JARID2: variants seen among roughly 807,000 people sequenced by gnomAD.
JARID2 encodes the protein jumonji and AT-rich interaction domain containing 2, also known as protein Jumonji.
Under a neutral mutation model 125.6 loss-of-function variants are expected in JARID2, and 21 were observed. The observed-to-expected ratio is 0.17, with a 90% CI of 0.12 to 0.24. The LOEUF is 0.24. JARID2 is among the 10% of genes least tolerant of loss of function. The pLI is 1.00. For synonymous variants in JARID2, 736 were observed against 661.6 expected (o/e 1.11, Z -1.73); for missense variants, 1,303 against 1,639.6 (o/e 0.79, Z 3.55).
intron 2 of JARID2, among the ~76,000 whole-genome samples, chr6:15,383,884 T>A (rs1315188747): frequency 6.6e-6 from 1 of 152,218 alleles, no homozygotes; most frequent in East Asian, 1.9e-4. Context: ...ACCCTCCGCC[T>A]CTCAGGTTCA....
chr6:15,374,391 C>A, intron 2 of JARID2, 139 bp downstream of exon 2: 1 of 793,518 alleles, frequency 1.3e-6, no homozygotes. Context: ...GGTGAATCTG[C>A]ACTGCAGACA....
intron 7 of JARID2, among the ~76,000 whole-genome samples, 182 bp downstream of exon 7, chr6:15,497,352 T>C (rs972834195): frequency 2.6e-5 from 4 of 152,148 alleles, no homozygotes; most frequent in Non-Finnish European, 4.4e-5. Context: ...TCCTGGGCGT[T>C]GGTGGCAGGA....
chr6:15,249,077 C>T, intron 1 of JARID2: 2 of 398,130 alleles, frequency 5.0e-6, no homozygotes, highest in Non-Finnish European at 6.8e-6. Context: ...GGAATGTTTT[C>T]ACTTCCTCTG....
At chr6:15,284,314 G>A (rs1012077352) in intron 1 of JARID2, among the ~76,000 whole-genome samples, 1 of 152,048 alleles carries the variant, frequency 6.6e-6, no homozygotes, top group African/African-American at 2.4e-5. Context: ...GTTTATTCCT[G>A]TTGAAGTCCC....
chr6:15,310,995 A>G (rs573559072), intron 1 of JARID2, among the ~76,000 whole-genome samples: 3 of 152,252 alleles, frequency 2.0e-5, no homozygotes, highest in Admixed American at 6.5e-5. Flanking sequence ...TAGAGTGAAT[A>G]TGAGGACTTC....
intron 1 of JARID2, among the ~76,000 whole-genome samples, chr6:15,354,764 T>C (rs553163338): frequency 6.6e-6 from 1 of 152,326 alleles, no homozygotes; most frequent in South Asian, 2.1e-4. Flanking sequence ...TAATGTAGTT[T>C]GGAAACCATA....
At chr6:15,419,588 GATA>G (rs547796885) in intron 3 of JARID2, among the ~76,000 whole-genome samples, 2 of 152,242 alleles carry the variant, frequency 1.3e-5, no homozygotes, top group South Asian at 4.2e-4. Context: ...ATACTTTTAT[GATA>G]ATTGTAGAAT....
At chr6:15,316,510 G>T (rs1373212424) in intron 1 of JARID2, among the ~76,000 whole-genome samples, 1 of 152,046 alleles carries the variant, frequency 6.6e-6, no homozygotes, top group Non-Finnish European at 1.5e-5. Context: ...GCTTGTGCTG[G>T]TTAGAAGTAA....
At chr6:15,384,809 TC>T (rs1282998527) in intron 2 of JARID2, among the ~76,000 whole-genome samples, 2 of 152,142 alleles carry the variant, frequency 1.3e-5, no homozygotes, top group Admixed American at 1.3e-4. Flanking sequence ...GCTTAAGTGA[TC>T]CTCTTTCCTG....
chr6:15,487,090 C>G (rs1268404250), intron 5 of JARID2, among the ~76,000 whole-genome samples: 1 of 152,072 alleles, frequency 6.6e-6, no homozygotes, highest in Non-Finnish European at 1.5e-5. Context: ...CACTTTTAAA[C>G]CATCAGATCT....
chr6:15,401,079 C>CT, intron 2 of JARID2: 1 of 1,288,770 alleles, frequency 7.8e-7, no homozygotes, highest in South Asian at 1.2e-5. Context: ...GCTGGTATGG[C>CT]TTTTGTTGGA....
chr6:15,397,234 C>T (rs1765251778), intron 2 of JARID2, among the ~76,000 whole-genome samples: 1 of 152,188 alleles, frequency 6.6e-6, no homozygotes, highest in Admixed American at 6.5e-5. Flanking sequence ...CCCCTTTCTG[C>T]ATTAATTTTT....
chr6:15,445,118 T>G (rs1311162143), intron 3 of JARID2, among the ~76,000 whole-genome samples: 3 of 152,200 alleles, frequency 2.0e-5, no homozygotes, highest in African/African-American at 7.2e-5. Flanking sequence ...GCTGGTTAAC[T>G]CTACACTGTT....
rs753819430 is a variant in JARID2, at chr6:15,494,243, G to A, written c.907-1889G>A. Among the ~76,000 whole-genome samples, 44 of 151,872 alleles carry A rather than the reference G, an allele frequency of 2.9e-4. 1 individual carries two copies. The highest frequency in any genetic ancestry group is 2.4e-3 in the Admixed American group (37 of 15,232). On this transcript the variant is annotated intron_variant, in intron 6 of 17. Transcript: ENST00000341776. ...TACTTCATTCAGTGGTTCCAAGCGCGGTCCCCAGGTCAGCACACAGCATCA... is the reference window on the plus strand; with the variant it reads ...TACTTCATTCAGTGGTTCCAAGCGCAGTCCCCAGGTCAGCACACAGCATCA...
In JARID2 at chr6:15,269,663, T is replaced by C. The variant is rs181373751; in HGVS notation, c.45+23079T>C. On this transcript the variant is annotated intron_variant, in intron 1 of 17. Transcript: ENST00000341776. ...TAGCCTCAATCATCCCACCTCAGCC[T>C]CCCAAAGTGATGGGATTACAGGTGT... Among the ~76,000 whole-genome samples, 425 of 151,422 alleles carry C rather than the reference T, an allele frequency of 2.8e-3. 4 individuals are homozygous for C. Among genetic ancestry groups the C allele is most frequent in the African/African-American group, 9.4e-3 (387 of 41,294 alleles).
At position 15,340,668 on chromosome 6, in the gene JARID2, C is replaced by T. The variant is rs1479536616; in HGVS notation, c.46-33449C>T. On this transcript the variant is annotated intron_variant, in intron 1 of 17. Transcript: ENST00000341776. ...AGCCCTGCTGGTGTTCTGTATTGTGCCCCATTTATAGCCATGATGGTAGAG... is the reference window on the plus strand; with the variant it reads ...AGCCCTGCTGGTGTTCTGTATTGTGTCCCATTTATAGCCATGATGGTAGAG... 5.3e-5 allele frequency among the ~76,000 whole-genome samples: 8 copies of T among 152,284 alleles called. No individual in the cohort carries two copies. In the Middle Eastern group the frequency reaches 0.014, roughly 259 times the overall value.
intron 2 of JARID2, among the ~76,000 whole-genome samples, chr6:15,385,961 G>T (rs1481350203): frequency 1.3e-5 from 2 of 152,152 alleles, no homozygotes; most frequent in East Asian, 3.8e-4. Flanking sequence ...TCAGCCTTGT[G>T]TCCTTTCTTT....
intron 3 of JARID2, among the ~76,000 whole-genome samples, chr6:15,416,053 C>T (rs1384562124): frequency 6.7e-6 from 1 of 149,948 alleles, no homozygotes; most frequent in Non-Finnish European, 1.5e-5. Context: ...CCAGACGGGG[C>T]GGCGGGGCAG....
At chr6:15,499,807 G>A (rs1770644393) in intron 7 of JARID2, among the ~76,000 whole-genome samples, 1 of 152,076 alleles carries the variant, frequency 6.6e-6, no homozygotes, top group Non-Finnish European at 1.5e-5. Context: ...TAGTGTGAGT[G>A]GAATTCAGGC....
Sources: gnomAD v4.1 joint callset for allele counts (sites outside exome capture counted in the v4.1 genomes callset) on GRCh38, gnomAD v4.1.1 for gene constraint, MANE v1.5 for transcripts, NCBI Gene and HGNC (gene_info 2026-07-23, HGNC 2026-07-21) for gene names.